The following PPP3CA variants were observed in gnomAD, a reference collection of about 807,000 sequenced individuals.
PPP3CA encodes the protein protein phosphatase 3 catalytic subunit alpha.
Under a neutral mutation model 66.5 loss-of-function variants are expected in PPP3CA, and 14 were observed. That is an observed-to-expected ratio of 0.21 (90% CI 0.14 to 0.33). PPP3CA has a LOEUF of 0.33. Among genes scored for constraint, PPP3CA ranks in the 10% least tolerant of loss-of-function variants. The pLI, the probability that PPP3CA is intolerant of heterozygous loss-of-function variation, is 1.00. For missense variants in PPP3CA, 317 were observed against 639.5 expected, an observed-to-expected ratio of 0.50 and a Z score of 5.44; for synonymous variants, 232 against 226.2, an observed-to-expected ratio of 1.03 and a Z score of -0.23.
At chr4:101,081,438 A>G (rs1048179156) in intron 7 of PPP3CA, among the ~76,000 whole-genome samples, 21 of 152,200 alleles carry the variant, frequency 1.4e-4, no homozygotes, top group African/African-American at 5.1e-4. Flanking sequence ...CCAGTTACTA[A>G]GCAGAAATAA....
chr4:101,315,884 C>T (rs2110316004), intron 1 of PPP3CA, among the ~76,000 whole-genome samples: 1 of 152,220 alleles, frequency 6.6e-6, no homozygotes, highest in East Asian at 1.9e-4. Context: ...GAAACATAAA[C>T]TAAAAACCAT....
intron 1 of PPP3CA, among the ~76,000 whole-genome samples, chr4:101,249,081 A>G (rs1726586333): frequency 1.3e-5 from 2 of 151,634 alleles, no homozygotes; most frequent in East Asian, 3.9e-4. Flanking sequence ...AATGGCGTGA[A>G]CCCGGGAAGC....
chr4:101,319,679 G>A (rs539896761), intron 1 of PPP3CA, among the ~76,000 whole-genome samples: 49 of 152,078 alleles, frequency 3.2e-4, no homozygotes, highest in African/African-American at 9.9e-4. Flanking sequence ...AAAAAATTGA[G>A]GTAAGAATTT....
Position 101,090,895 on chromosome 4 carries a change from CATATCTGTGTCTATATT to C in PPP3CA, c.782+2864_782+2880del, listed in dbSNP as rs1330441832. ...CTGTGTCTATATTATAATATACACA[CATATCTGTGTCTATATT>C]ATAATATACACACATATCTGTGTCT... On this transcript the variant is annotated intron_variant, in intron 6 of 13. Coordinates refer to ENST00000394854, the MANE Select transcript of PPP3CA (RefSeq NM_000944.5). 3.6e-4 allele frequency among the ~76,000 whole-genome samples: 41 copies of C among 114,452 alleles called. 1 individual carries two copies. Among genetic ancestry groups the C allele is most frequent in the African/African-American group, 6.6e-4 (16 of 24,102 alleles). 75.1% of individuals were successfully genotyped at this position (114,452 alleles called of 152,430 possible). A position where few individuals can be genotyped will look rare whatever the true frequency, so the allele number is the denominator to read the frequency against.
intron 7 of PPP3CA, among the ~76,000 whole-genome samples, chr4:101,082,766 G>A (rs1352792709): frequency 6.6e-6 from 1 of 152,058 alleles, no homozygotes; most frequent in African/African-American, 2.4e-5. Context: ...GATTAGGAAT[G>A]GTATTCTTTA....
In PPP3CA at chr4:101,032,538, C is replaced by A. The variant is rs561533086; in HGVS notation, c.1242-174G>T. Among the ~76,000 whole-genome samples the A allele has an allele frequency of 5.3e-5, 8 of 151,596 alleles. No individual in the cohort carries two copies. The East Asian group carries it at 1.4e-3, about 26-fold the overall frequency. ...ACTTTATTTTAATTTATTTATATAC[C>A]AGTAATGTTCCATAAACGATTGCTA... is the stretch of plus-strand genomic sequence containing the variant. On this transcript the variant is annotated intron_variant, in intron 11 of 13. Transcript: ENST00000394854.
In PPP3CA at chr4:101,080,583, G is replaced by A. The variant is rs777813840; in HGVS notation, c.904C>T (p.Leu302=). The change falls in exon 8 of 14, where the codon CTA becomes TTA. Residue 302 remains leucine (L), a synonymous_variant. Transcript: ENST00000394854. Reference sequence around the variant, plus strand: ...TTTGGTGCTGAAAAAATTGTAATTAGAGAAGGGAAGCCTGTTGTTTGGCTT... The same window carrying A: ...TTTGGTGCTGAAAAAATTGTAATTAAAGAAGGGAAGCCTGTTGTTTGGCTT... ...RKSQTTGFPS[L]ITIFSAPNYL... The A allele has an allele frequency of 1.3e-6, 2 of 1,534,146 alleles. No individual in the cohort carries two copies. Among genetic ancestry groups the A allele is most frequent in the Non-Finnish European group, 1.8e-6 (2 of 1,128,902 alleles).
In PPP3CA at chr4:101,045,430, G is replaced by A. The variant is rs575478974; in HGVS notation, c.1157-4864C>T. 1.1e-4 allele frequency among the ~76,000 whole-genome samples: 17 copies of A among 152,276 alleles called. No individual in the cohort carries two copies. The East Asian group carries it at 1.2e-3, about 10-fold the overall frequency. ...TGAAAATCTGCAAATGCTACAAACC[G>A]GGGCCATTTTCCCTGGGAGGACAGG... On this transcript the variant is annotated intron_variant, in intron 10 of 13. Coordinates refer to ENST00000394854, the MANE Select transcript of PPP3CA (RefSeq NM_000944.5).
At chr4:101,300,937 C>T (rs1457647420) in intron 1 of PPP3CA, among the ~76,000 whole-genome samples, 1 of 152,056 alleles carries the variant, frequency 6.6e-6, no homozygotes, top group African/African-American at 2.4e-5. Flanking sequence ...TATAAATATT[C>T]TGGTAGACAC....
At chr4:101,336,806 G>GT (rs1275615780) in intron 1 of PPP3CA, among the ~76,000 whole-genome samples, 1 of 152,194 alleles carries the variant, frequency 6.6e-6, no homozygotes, top group Non-Finnish European at 1.5e-5. Context: ...CACTAGATGT[G>GT]TACATGCAGG....
intron 2 of PPP3CA, among the ~76,000 whole-genome samples, chr4:101,152,752 A>G (rs1362957966): frequency 6.6e-6 from 1 of 152,202 alleles, no homozygotes; most frequent in Non-Finnish European, 1.5e-5. Context: ...ACAATGAAGA[A>G]AGAGGCAGAG....
intron 1 of PPP3CA, among the ~76,000 whole-genome samples, chr4:101,244,574 C>T (rs567089701): frequency 3.3e-5 from 5 of 152,254 alleles, no homozygotes; most frequent in African/African-American, 9.6e-5. Flanking sequence ...ATTAAGAGTA[C>T]GCTATACGCC....
chr4:101,251,767 G>A (rs1267583407), intron 1 of PPP3CA, among the ~76,000 whole-genome samples: 1 of 152,094 alleles, frequency 6.6e-6, no homozygotes, highest in Non-Finnish European at 1.5e-5. Flanking sequence ...GTTCAGAGAT[G>A]AAGTGTACAC....
At chr4:101,279,990 A>T (rs555996931) in intron 1 of PPP3CA, among the ~76,000 whole-genome samples, 17 of 152,350 alleles carry the variant, frequency 1.1e-4, no homozygotes, top group South Asian at 2.1e-4. Flanking sequence ...AACTGAAATC[A>T]ACTATAACAT....
chr4:101,292,991 C>A (rs1350334380), intron 1 of PPP3CA, among the ~76,000 whole-genome samples: 1 of 152,180 alleles, frequency 6.6e-6, no homozygotes, highest in Non-Finnish European at 1.5e-5. Flanking sequence ...GCTAACCATC[C>A]TATCCAAATC....
chr4:101,140,929 T>C (rs568800445), intron 2 of PPP3CA, among the ~76,000 whole-genome samples: 11 of 152,354 alleles, frequency 7.2e-5, no homozygotes, highest in African/African-American at 2.6e-4. Context: ...GCTTAAATTA[T>C]CTATGAGATA....
chr4:101,174,722 C>T (rs1458950073), intron 2 of PPP3CA, among the ~76,000 whole-genome samples: 1 of 152,054 alleles, frequency 6.6e-6, no homozygotes, highest in Non-Finnish European at 1.5e-5. Flanking sequence ...AGGTGAGATG[C>T]TCAGTTGGCC....
chr4:101,106,086 G>T (rs1314830679), intron 3 of PPP3CA, among the ~76,000 whole-genome samples: 1 of 152,038 alleles, frequency 6.6e-6, no homozygotes, highest in African/African-American at 2.4e-5. Flanking sequence ...ACTTTGGGAG[G>T]TCAGGGTGGG....
At chr4:101,180,443 T>A (rs1724199029) in intron 2 of PPP3CA, among the ~76,000 whole-genome samples, 1 of 152,132 alleles carries the variant, frequency 6.6e-6, no homozygotes, top group African/African-American at 2.4e-5. Context: ...TGCAGGCCAT[T>A]TTTAAAAGGC....
Sources: gnomAD v4.1 joint callset for allele counts (sites outside exome capture counted in the v4.1 genomes callset) on GRCh38, gnomAD v4.1.1 for gene constraint, MANE v1.5 for transcripts, NCBI Gene and HGNC (gene_info 2026-07-23, HGNC 2026-07-21) for gene names.